CNKSR2: variants seen among roughly 807,000 people sequenced by gnomAD.
The protein encoded by CNKSR2 is CNK homolog protein 2.
CNKSR2 carries 14 observed loss-of-function variants against 84.4 expected under a neutral mutation model. The observed-to-expected ratio is 0.17, with a 90% CI of 0.11 to 0.26. CNKSR2 has a LOEUF of 0.26. Ranked by LOEUF, CNKSR2 falls within the 10% of genes least tolerant of loss-of-function variation. CNKSR2 has a pLI of 1.00. For synonymous variants in CNKSR2, 275 were observed against 277.9 expected (o/e 0.99, Z 0.10); for missense variants, 485 against 771.2 (o/e 0.63, Z 4.40).
chrX:21,502,425 A>G (rs1421823342), intron 8 of CNKSR2, among the ~76,000 whole-genome samples: 1 of 109,279 alleles, frequency 9.2e-6, no homozygotes, highest in East Asian at 2.9e-4. Flanking sequence ...TATTAATATC[A>G]TAACTCATTT....
chrX:21,646,383 T>C (rs2092706994), intron 20 of CNKSR2, among the ~76,000 whole-genome samples: 1 of 111,941 alleles, frequency 8.9e-6, no homozygotes, highest in African/African-American at 3.2e-5. Context: ...TCAGTTTTTA[T>C]TGTTTAATAC....
In CNKSR2 at chrX:21,555,457, T is replaced by C. The variant is rs182399052; in HGVS notation, c.1304-6014T>C. 2.2e-3 allele frequency among the ~76,000 whole-genome samples: 241 copies of C among 111,607 alleles called. 1 individual carries two copies. Among genetic ancestry groups the C allele is most frequent in the African/African-American group, 7.5e-3 (231 of 30,823 alleles). ...ACTGGATCCAGATATGTTACCATTA[T>C]CCTTTAAAAATTACTGACTTTCCAT... On this transcript the variant is annotated intron_variant, in intron 11 of 21. Transcript: ENST00000379510.
At chrX:21,550,305 A>G (rs896881799) in intron 11 of CNKSR2, among the ~76,000 whole-genome samples, 2 of 112,660 alleles carry the variant, frequency 1.8e-5, no homozygotes, top group African/African-American at 6.5e-5. Context: ...GCCGACAAAC[A>G]TATGAAAAAA....
rs560958771 is a variant in CNKSR2, at chrX:21,503,183, C to G, written c.810+1595C>G. 6 of 288,397 alleles carry G rather than the reference C, an allele frequency of 2.1e-5. No individual in the cohort carries two copies. In the South Asian group the frequency reaches 1.3e-3, roughly 63 times the overall value. The allele number at this position is 288,397 out of a possible 1,213,427, so 23.8% of individuals were successfully genotyped here. ...AAGTCTACAAATAAACTAATAAAAT[C>G]TATGTGGATTGGTGACATTTAAATA... is the stretch of plus-strand genomic sequence containing the variant. On this transcript the variant is annotated intron_variant, in intron 8 of 21. Coordinates refer to ENST00000379510, the MANE Select transcript of CNKSR2 (RefSeq NM_014927.5).
Position 21,561,569 on chromosome X carries a change from T to C in CNKSR2, c.1393+9T>C, listed in dbSNP as rs776770221. On this transcript the variant is annotated intron_variant, in intron 12 of 21. Coordinates refer to ENST00000379510, the MANE Select transcript of CNKSR2 (RefSeq NM_014927.5). ...GAGAGATAGTAGAAGAGGTAAGTGT[T>C]CTAGAATTTCAGTGTAGGCTGGGTT... 4.3e-6 allele frequency: 5 copies of C among 1,156,515 alleles called. No homozygotes were observed. The South Asian group carries it at 9.2e-5, about 21-fold the overall frequency.
chrX:21,500,767 G>A (rs1259528733), intron 7 of CNKSR2, among the ~76,000 whole-genome samples: 1 of 111,062 alleles, frequency 9.0e-6, no homozygotes, highest in Non-Finnish European at 1.9e-5. Flanking sequence ...GGAAAAAAGT[G>A]TTAGATTATT....
chrX:21,438,112 A>G (rs1216140106), intron 3 of CNKSR2, among the ~76,000 whole-genome samples: 2 of 111,887 alleles, frequency 1.8e-5, no homozygotes, highest in African/African-American at 6.5e-5. Flanking sequence ...AGGATTGGCA[A>G]TTTTGTTGTT....
At chrX:21,589,702 T>C (rs2092408977) in intron 13 of CNKSR2, among the ~76,000 whole-genome samples, 1 of 111,140 alleles carries the variant, frequency 9.0e-6, no homozygotes, top group African/African-American at 3.3e-5. Context: ...TAGCATGGAG[T>C]GAACAGACAG....
intron 19 of CNKSR2, 127 bp downstream of exon 19, chrX:21,607,006 G>A: frequency 2.8e-6 from 1 of 363,548 alleles, no homozygotes; most frequent in Non-Finnish European, 4.6e-6. Flanking sequence ...AAGAAAACTG[G>A]GAGTCTAAAA....
chrX:21,638,184 G>A lies in CNKSR2; in HGVS notation c.2693-10647G>A, dbSNP rs1011525151. Among the ~76,000 whole-genome samples the A allele has an allele frequency of 3.6e-4, 40 of 111,396 alleles. 1 individual carries two copies. Among genetic ancestry groups the A allele is most frequent in the Admixed American group, 9.5e-5 (1 of 10,476 alleles). On this transcript the variant is annotated intron_variant, in intron 20 of 21. Coordinates refer to ENST00000379510, the MANE Select transcript of CNKSR2 (RefSeq NM_014927.5). ...TATATTTAGCCTTAATCATTTTCTT[G>A]AAGATGTTCGTACCTCTACCCTTAT...
At chrX:21,620,848 T>C (rs573543780) in intron 20 of CNKSR2, among the ~76,000 whole-genome samples, 1 of 111,220 alleles carries the variant, frequency 9.0e-6, no homozygotes, top group African/African-American at 3.3e-5. Context: ...TGCAGGTTTA[T>C]AACTTACGAG....
At chrX:21,582,626 G>T (rs929029274) in intron 13 of CNKSR2, among the ~76,000 whole-genome samples, 4 of 111,663 alleles carry the variant, frequency 3.6e-5, no homozygotes, top group South Asian at 3.7e-4. Flanking sequence ...TTAAAATGGG[G>T]TTAATGATAA....
chrX:21,546,438 C>T (rs111386869), intron 11 of CNKSR2, among the ~76,000 whole-genome samples: 15,073 of 109,175 alleles, frequency 0.14, 2,512 homozygotes, highest in African/African-American at 0.47. Context: ...AGACCAAACC[C>T]ACATTTGGTC....
chrX:21,493,616 G>A (rs1601859726), intron 6 of CNKSR2: 1 of 111,748 alleles, frequency 8.9e-6, no homozygotes, highest in East Asian at 2.8e-4. Flanking sequence ...TATTTGTCAC[G>A]GTTCCAGAAA....
chrX:21,395,417 A>T (rs1433765622), intron 1 of CNKSR2, among the ~76,000 whole-genome samples: 5 of 111,748 alleles, frequency 4.5e-5, no homozygotes, highest in Admixed American at 9.5e-5. Flanking sequence ...ACGACAGTGG[A>T]TAGTAAGATG....
intron 11 of CNKSR2, among the ~76,000 whole-genome samples, chrX:21,546,809 A>T (rs1448188610): frequency 1.8e-5 from 2 of 111,994 alleles, no homozygotes; most frequent in Non-Finnish European, 3.8e-5. Flanking sequence ...TCAACCCAGA[A>T]TTTCATATTC....
At chrX:21,394,237 A>G (rs2090090366) in intron 1 of CNKSR2, among the ~76,000 whole-genome samples, 1 of 112,098 alleles carries the variant, frequency 8.9e-6, no homozygotes, top group Non-Finnish European at 1.9e-5. Context: ...AATGATCTTA[A>G]TGGAAAAGAA....
intron 14 of CNKSR2, 65 bp downstream of exon 14, chrX:21,590,685 A>C: frequency 9.3e-7 from 1 of 1,071,721 alleles, no homozygotes; most frequent in Admixed American, 2.3e-5. Context: ...AACACACTTC[A>C]TCCATGCCCT....
chrX:21,576,686 T>C (rs748855045), intron 13 of CNKSR2, among the ~76,000 whole-genome samples: 1 of 111,417 alleles, frequency 9.0e-6, no homozygotes, highest in Non-Finnish European at 1.9e-5. Context: ...ACAACCCTCA[T>C]AGACATTAAA....
Sources: allele counts gnomAD v4.1 joint callset (sites outside exome capture counted in the v4.1 genomes callset), GRCh38; gene constraint gnomAD v4.1.1; transcripts MANE v1.5; gene names NCBI Gene and HGNC (gene_info 2026-07-23, HGNC 2026-07-21).